Variants in IST1 observed in about 807,000 individuals in gnomAD.
The protein encoded by IST1 is IST1 factor associated with ESCRT-III.
IST1 carries 23 observed loss-of-function variants against 37.0 expected under a neutral mutation model. The ratio of observed to expected loss-of-function variants is 0.62; its 90% CI spans 0.45 to 0.88. IST1 has a LOEUF of 0.88. Ranked by LOEUF, IST1 falls within the 40% of genes least tolerant of loss-of-function variation. The pLI, the probability that IST1 is intolerant of heterozygous loss-of-function variation, is 0.00. For missense variants in IST1, 488 were observed against 445.4 expected (o/e 1.10, Z -0.86); for synonymous variants, 180 against 161.7 (o/e 1.11, Z -0.86).
Position 71,895,595 on chromosome 16 carries a change from T to G in IST1, c.-16+6T>G. 1 of 979,356 alleles carries G rather than the reference T, an allele frequency of 1.0e-6. No individual in the cohort carries two copies. The allele number at this position is 979,356 out of a possible 1,614,324, so 60.7% of individuals were successfully genotyped here. A position where few individuals can be genotyped will look rare whatever the true frequency, so the allele number is the denominator to read the frequency against. On this transcript the variant is annotated splice_donor_region_variant and intron_variant, in intron 1 of 9. Transcript: ENST00000378799. Reference sequence around the variant, plus strand: ...TCACGGCAGGATTCGGTTAGGTGAGTGTGGCATCCTCGGCGTCAGAGGTCT... The same window carrying G: ...TCACGGCAGGATTCGGTTAGGTGAGGGTGGCATCCTCGGCGTCAGAGGTCT...
At position 71,929,769 on chromosome 16, in the gene IST1, T is replaced by G; in HGVS notation, c.*1956T>G. ...AAAGTACCAAAGATTTTTAAAAAAT[T>G]AGTAAATGTAAAGATACTATTTCTT... On this transcript the variant is annotated 3_prime_UTR_variant, in exon 10 of 10. Coordinates refer to ENST00000378799, the MANE Select transcript of IST1 (RefSeq NM_001270975.2). 8.0e-7 allele frequency: 1 copy of G among 1,242,806 alleles called. No individual in the cohort carries two copies. 77.0% of individuals were successfully genotyped at this position (1,242,806 alleles called of 1,614,324 possible). A position where few individuals can be genotyped will look rare whatever the true frequency, so the allele number is the denominator to read the frequency against.
chr16:71,919,167 A>G (rs1486243347), intron 4 of IST1, among the ~76,000 whole-genome samples: 1 of 152,218 alleles, frequency 6.6e-6, no homozygotes, highest in Non-Finnish European at 1.5e-5. Flanking sequence ...CTCTTGTGAT[A>G]GAAACAAAAC....
chr16:71,920,272 C>T (rs1188641982), intron 4 of IST1, among the ~76,000 whole-genome samples: 1 of 152,194 alleles, frequency 6.6e-6, no homozygotes, highest in Non-Finnish European at 1.5e-5. Context: ...GGTTAAAGTA[C>T]AAGGACATAG....
chr16:71,909,974 A>G lies in IST1; in HGVS notation c.-15-5652A>G, dbSNP rs552644950. ...CAAGTTGGATAATGTTCCTTAGGTT[A>G]ATGTCTTCTAATTTCAGTCACTACT... On this transcript the variant is annotated intron_variant, in intron 1 of 9. Coordinates refer to ENST00000378799, the MANE Select transcript of IST1 (RefSeq NM_001270975.2). 6.3e-4 allele frequency among the ~76,000 whole-genome samples: 96 copies of G among 152,292 alleles called. 2 individuals carry two copies. The highest frequency in any genetic ancestry group is 2.9e-5 in the Non-Finnish European group (2 of 68,024).
intron 1 of IST1, among the ~76,000 whole-genome samples, chr16:71,906,972 G>A (rs1321688999): frequency 1.3e-5 from 2 of 152,210 alleles, no homozygotes; most frequent in East Asian, 1.9e-4. Context: ...AGAAGTTGGA[G>A]TGAGCAGAGA....
chr16:71,923,473 C>T, intron 8 of IST1, 93 bp downstream of exon 8: 1 of 758,982 alleles, frequency 1.3e-6, no homozygotes, highest in Non-Finnish European at 2.3e-6. Context: ...GAGTTTTGAT[C>T]AACTCCTAGT....
At chr16:71,922,890 C>T (rs1405184646) in intron 7 of IST1, 1 of 597,504 alleles carries the variant, frequency 1.7e-6, no homozygotes, top group Non-Finnish European at 3.0e-6. Context: ...AGAGTTGGTG[C>T]TAGAAAAACA....
chr16:71,916,897 A>T, intron 3 of IST1, 150 bp from the exon 4 acceptor site: 1 of 606,662 alleles, frequency 1.6e-6, no homozygotes, highest in Non-Finnish European at 2.8e-6. Flanking sequence ...GTAAAATAAG[A>T]TCACGAAAAT....
intron 6 of IST1, among the ~76,000 whole-genome samples, chr16:71,922,177 T>C (rs1597254299): frequency 6.6e-6 from 1 of 150,630 alleles, no homozygotes; most frequent in Admixed American, 6.6e-5. Flanking sequence ...GTCAGTGGGG[T>C]GTGGTGGATG....
At chr16:71,911,235 AC>A (rs900258560) in intron 1 of IST1, among the ~76,000 whole-genome samples, 2 of 150,864 alleles carry the variant, frequency 1.3e-5, no homozygotes, top group African/African-American at 2.4e-5. Context: ...TGAGACTCTT[AC>A]GTCAAAAACA....
intron 1 of IST1, among the ~76,000 whole-genome samples, chr16:71,897,324 G>C (rs141093127): frequency 1.8e-4 from 28 of 152,190 alleles, no homozygotes; most frequent in African/African-American, 6.3e-4. Flanking sequence ...ACGTTTTAAA[G>C]TCATCCAGTT....
In IST1 at chr16:71,920,731, CT is replaced by C; in HGVS notation, c.358-3del. ...TCTATTTTTATTTGCTGTCCTTTTT[CT>C]TTTTAGGTTGCTGATCAGCTCTGTG... is the stretch of plus-strand genomic sequence containing the variant. On this transcript the variant is annotated splice_polypyrimidine_tract_variant and splice_region_variant and intron_variant, in intron 4 of 9. Transcript: ENST00000378799. 1 of 1,609,748 alleles carries C rather than the reference CT, an allele frequency of 6.2e-7. No individual in the cohort carries two copies. The highest frequency in any genetic ancestry group is 1.1e-5 in the South Asian group (1 of 90,948).
At chr16:71,902,523 G>T (rs964797801) in intron 1 of IST1, among the ~76,000 whole-genome samples, 2 of 152,174 alleles carry the variant, frequency 1.3e-5, no homozygotes, top group Non-Finnish European at 2.9e-5. Flanking sequence ...GCCCGCCTCG[G>T]CTTCCCAAAG....
At chr16:71,907,895 C>T (rs1261166490) in intron 1 of IST1, among the ~76,000 whole-genome samples, 1 of 152,218 alleles carries the variant, frequency 6.6e-6, no homozygotes, top group African/African-American at 2.4e-5. Context: ...AGTCCTCCTG[C>T]CTCAGCCCCC....
At chr16:71,918,860 A>T (rs1447828099) in intron 4 of IST1, among the ~76,000 whole-genome samples, 1 of 152,254 alleles carries the variant, frequency 6.6e-6, no homozygotes, top group Admixed American at 6.5e-5. Context: ...AACAAAAACC[A>T]TAAAAGACAA....
chr16:71,921,506 T>C, intron 6 of IST1, 53 bp downstream of exon 6: 1 of 1,015,342 alleles, frequency 9.8e-7, no homozygotes, highest in Non-Finnish European at 1.5e-6. Flanking sequence ...ATGACCTTCT[T>C]TGGAAAACAA....
intron 8 of IST1, chr16:71,924,047 T>TC (rs781248532): frequency 3.1e-5 from 14 of 448,616 alleles, no homozygotes; most frequent in Non-Finnish European, 4.9e-5. Context: ...ATCTTCCTGT[T>TC]CCTGAGCTTG....
chr16:71,900,327 CT>C (rs201344260), intron 1 of IST1, among the ~76,000 whole-genome samples: 8,326 of 99,172 alleles, frequency 0.084, 123 homozygotes, highest in South Asian at 0.21. Context: ...CTTAGGAAGT[CT>C]TTTTTTTTTT....
At position 71,930,420 on chromosome 16, in the gene IST1, G is replaced by C; in HGVS notation, c.*2607G>C. 1 of 345,866 alleles carries C rather than the reference G, an allele frequency of 2.9e-6. No individual in the cohort carries two copies. The highest frequency in any genetic ancestry group is 5.2e-6 in the Non-Finnish European group (1 of 193,464). 21.4% of individuals were successfully genotyped at this position (345,866 alleles called of 1,614,324 possible). On this transcript the variant is annotated 3_prime_UTR_variant, in exon 10 of 10. Transcript: ENST00000378799. ...ACTGCAGGGCTTTCACAAGAAAACA[G>C]GTGAGTTGCAGTGGAATTGGAAATG...
Sources: allele counts gnomAD v4.1 joint callset (sites outside exome capture counted in the v4.1 genomes callset), GRCh38; gene constraint gnomAD v4.1.1; transcripts MANE v1.5; gene names NCBI Gene and HGNC (gene_info 2026-07-23, HGNC 2026-07-21).